STK33: variants seen among roughly 807,000 people sequenced by gnomAD.
STK33 encodes serine/threonine-protein kinase 33.
Under a neutral mutation model 58.0 loss-of-function variants are expected in STK33, and 52 were observed. The observed-to-expected ratio is 0.90, with a 90% CI of 0.72 to 1.13. STK33 has a LOEUF of 1.13. STK33 is among the 50% of genes most tolerant of loss of function. The pLI, the probability that STK33 is intolerant of heterozygous loss-of-function variation, is 0.00. For missense variants in STK33, 630 were observed against 604.2 expected (o/e 1.04, Z -0.45); for synonymous variants, 215 against 200.1 (o/e 1.07, Z -0.63).
chr11:8,515,045 T>A (rs570369288), intron 1 of STK33, among the ~76,000 whole-genome samples: 11 of 152,166 alleles, frequency 7.2e-5, no homozygotes, highest in Non-Finnish European at 1.0e-4. Context: ...CAGATTAAAC[T>A]CAGCTGAACT....
intron 1 of STK33, among the ~76,000 whole-genome samples, chr11:8,550,931 C>T (rs1301122465): frequency 6.6e-6 from 1 of 152,006 alleles, no homozygotes; most frequent in Middle Eastern, 3.2e-3. Flanking sequence ...CTACTGGTAC[C>T]AATTTACAGT....
At chr11:8,366,303 G>C in the STK33 span, among the ~76,000 whole-genome samples, 226 of 152,306 alleles carry the variant, frequency 1.5e-3, 1 homozygote, top group Middle Eastern at 0.014. Flanking sequence ...TTGCAGCCCA[G>C]GCCCTCTCCT....
chr11:8,497,437 C>G (rs1399128088), intron 1 of STK33, among the ~76,000 whole-genome samples: 1 of 152,174 alleles, frequency 6.6e-6, no homozygotes, highest in Non-Finnish European at 1.5e-5. Context: ...ACCATGGAGG[C>G]CAGAAGGAAA....
chr11:8,424,620 T>C (rs1447975210), intron 14 of STK33, among the ~76,000 whole-genome samples: 1 of 150,300 alleles, frequency 6.7e-6, no homozygotes, highest in Non-Finnish European at 1.5e-5. Flanking sequence ...GTAAAAGTGT[T>C]CCTATTTCTC....
intron 14 of STK33, among the ~76,000 whole-genome samples, chr11:8,419,551 C>T (rs182107384): frequency 1.0e-3 from 155 of 152,166 alleles, no homozygotes; most frequent in African/African-American, 3.7e-3. Flanking sequence ...CTTCGGATTG[C>T]TTTGGCTATT....
intron 14 of STK33, among the ~76,000 whole-genome samples, chr11:8,423,187 G>GT (rs142442379): frequency 0.12 from 18,096 of 147,184 alleles, 1,334 homozygotes; most frequent in African/African-American, 0.19. Context: ...TATTTATTTT[G>GT]TTTTTTTTTC....
the STK33 span, among the ~76,000 whole-genome samples, chr11:8,358,693 C>A: frequency 7.9e-5 from 12 of 152,022 alleles, no homozygotes; most frequent in African/African-American, 2.9e-4. Flanking sequence ...AAATCTGGGG[C>A]AACGTGAACA....
At chr11:8,454,383 T>C (rs971857328) in intron 10 of STK33, among the ~76,000 whole-genome samples, 1 of 152,192 alleles carries the variant, frequency 6.6e-6, no homozygotes. Context: ...AGAATTAATT[T>C]AGTATCAAAA....
the STK33 span, among the ~76,000 whole-genome samples, chr11:8,367,356 T>C: frequency 6.6e-6 from 1 of 152,214 alleles, no homozygotes; most frequent in South Asian, 2.1e-4. Context: ...ATTGTACAGA[T>C]GTGTACAAGC....
intron 1 of STK33, among the ~76,000 whole-genome samples, chr11:8,582,097 C>T (rs974867242): frequency 7.2e-5 from 11 of 152,190 alleles, no homozygotes; most frequent in African/African-American, 2.7e-4. Context: ...TTCTCAAATA[C>T]TCTCACAATA....
At chr11:8,354,127 G>A in the STK33 span, among the ~76,000 whole-genome samples, 3 of 152,034 alleles carry the variant, frequency 2.0e-5, no homozygotes, top group South Asian at 2.1e-4. Context: ...AAGGTGAGCC[G>A]CCAAGATGAG....
At chr11:8,440,565 G>A (rs1944609494) in intron 12 of STK33, 113 bp downstream of exon 12, 1 of 846,884 alleles carries the variant, frequency 1.2e-6, no homozygotes, top group South Asian at 3.1e-5. Context: ...TCTCCCAATT[G>A]GTTTTTAAAT....
In STK33 at chr11:8,500,856, A is replaced by G. The variant is rs531049633; in HGVS notation, c.-465-20242T>C. Reference sequence around the variant, plus strand: ...ACATATAGATCATAGGACAGAATTGAGAGTCCAGAAATGAGACTATATACA... The same window carrying G: ...ACATATAGATCATAGGACAGAATTGGGAGTCCAGAAATGAGACTATATACA... On this transcript the variant is annotated intron_variant, in intron 1 of 15. Coordinates refer to ENST00000687296, the MANE Select transcript of STK33 (RefSeq NM_001352389.2). 5.4e-4 allele frequency among the ~76,000 whole-genome samples: 82 copies of G among 152,300 alleles called. 1 individual carries two copies. Among genetic ancestry groups the G allele is most frequent in the Admixed American group, 4.1e-3 (62 of 15,290 alleles).
At chr11:8,431,650 TTTGAGTGA>T (rs1460983168) in intron 14 of STK33, among the ~76,000 whole-genome samples, 3 of 152,146 alleles carry the variant, frequency 2.0e-5, no homozygotes, top group Non-Finnish European at 2.9e-5. Flanking sequence ...AATATAGACA[TTTGAGTGA>T]TTGATGTCCT....
chr11:8,370,939 G>A, the STK33 span, among the ~76,000 whole-genome samples: 3 of 152,218 alleles, frequency 2.0e-5, no homozygotes, highest in Non-Finnish European at 4.4e-5. Context: ...AGATCATGAA[G>A]TGAGACTAGG....
At chr11:8,402,647 A>G in intron 15 of STK33, among the ~76,000 whole-genome samples, 1 of 152,178 alleles carries the variant, frequency 6.6e-6, no homozygotes, top group East Asian at 1.9e-4. Flanking sequence ...CTCCCCTCAA[A>G]TATCTTTCAT....
At chr11:8,548,348 C>T (rs988412245) in intron 1 of STK33, among the ~76,000 whole-genome samples, 2 of 152,038 alleles carry the variant, frequency 1.3e-5, no homozygotes, top group African/African-American at 2.4e-5. Context: ...TCCCCAGTAT[C>T]GTGTATTAAA....
At chr11:8,434,719 A>G (rs1336628820) in intron 14 of STK33, among the ~76,000 whole-genome samples, 5 of 152,162 alleles carry the variant, frequency 3.3e-5, no homozygotes, top group Admixed American at 3.3e-4. Flanking sequence ...ATCTACCAGG[A>G]AAGAGGAAGG....
the STK33 span, among the ~76,000 whole-genome samples, chr11:8,351,336 C>A: frequency 6.6e-6 from 1 of 152,212 alleles, no homozygotes; most frequent in Non-Finnish European, 1.5e-5. Context: ...CCCCACCCTG[C>A]GAGCTGGGTC....
Sources: gnomAD v4.1 joint callset for allele counts (sites outside exome capture counted in the v4.1 genomes callset) on GRCh38, gnomAD v4.1.1 for gene constraint, MANE v1.5 for transcripts, NCBI Gene and HGNC (gene_info 2026-07-23, HGNC 2026-07-21) for gene names.